The following HEMK1 variants were observed in gnomAD, a reference collection of about 807,000 sequenced individuals.
HEMK1 encodes the protein MTRF1L release factor glutamine methyltransferase.
In HEMK1, 36 loss-of-function variants were observed where a neutral mutation model predicts 47.9. The ratio of observed to expected loss-of-function variants is 0.75; its 90% CI spans 0.58 to 0.99. The LOEUF is 0.99. Ranked by LOEUF, HEMK1 falls within the 50% of genes least tolerant of loss-of-function variation. HEMK1 has a pLI of 0.00. For synonymous variants in HEMK1, 153 were observed against 165.4 expected, an observed-to-expected ratio of 0.93 and a Z score of 0.57; for missense variants, 383 against 434.5, an observed-to-expected ratio of 0.88 and a Z score of 1.05.
In HEMK1 at chr3:50,595,906, T is replaced by C. The variant is rs899279566; in HGVS notation, c.*15489T>C. 6.6e-6 allele frequency: 1 copy of C among 152,230 alleles called. No individual in the cohort carries two copies. The highest frequency in any genetic ancestry group is 1.5e-5 in the Non-Finnish European group (1 of 68,044). The allele number at this position is 152,230 out of a possible 1,614,324, so 9.4% of individuals were successfully genotyped here. ...AAGAGGTTTCCACACCTGGGATTGA[T>C]ACTGCTGGGACTCCAGGGCAGGTGC... On this transcript the variant is annotated 3_prime_UTR_variant, in exon 11 of 11. Coordinates refer to ENST00000232854, the MANE Select transcript of HEMK1 (RefSeq NM_016173.5).
Position 50,572,097 on chromosome 3 carries a change from C to T in HEMK1, c.321-18C>T. ...CCTAGCTCTGTCCCTGATGACCACC[C>T]AGCTGCCCCCTCTGCAGGATGCCGG... is the stretch of plus-strand genomic sequence containing the variant. On this transcript the variant is annotated intron_variant, in intron 3 of 10. Transcript: ENST00000232854. The T allele has an allele frequency of 6.2e-7, 1 of 1,611,344 alleles. No homozygotes were observed. The highest frequency in any genetic ancestry group is 8.5e-7 in the Non-Finnish European group (1 of 1,178,972).
intron 4 of HEMK1, 81 bp from the exon 5 acceptor site, chr3:50,576,971 G>C: frequency 1.3e-6 from 2 of 1,542,060 alleles, no homozygotes. Context: ...CGTTCACAAG[G>C]GTAACTGCTT....
chr3:50,570,325 T>C (rs1200547152), intron 1 of HEMK1: 1 of 152,246 alleles, frequency 6.6e-6, no homozygotes, highest in African/African-American at 2.4e-5. Flanking sequence ...TCTTTAAATA[T>C]ACAATTGTAA....
intron 8 of HEMK1, among the ~76,000 whole-genome samples, chr3:50,579,297 G>A (rs754468304): frequency 5.3e-5 from 8 of 152,156 alleles, no homozygotes; most frequent in Non-Finnish European, 4.4e-5. Flanking sequence ...GAATACTGAG[G>A]CCCAGAGAGG....
rs561773852 is a variant in HEMK1, at chr3:50,592,758, C to T, written c.*12341C>T. On this transcript the variant is annotated 3_prime_UTR_variant, in exon 11 of 11. Coordinates refer to ENST00000232854, the MANE Select transcript of HEMK1 (RefSeq NM_016173.5). The stretch of plus-strand genomic sequence containing the variant: ...GAGTCACCACCTGCCCCCAACCCTA[C>T]TTCTCCTCCGAAGGCCCAACAAGGT... 6.6e-6 allele frequency: 1 copy of T among 152,454 alleles called. No individual in the cohort carries two copies. Among genetic ancestry groups the T allele is most frequent in the South Asian group, 2.1e-4 (1 of 4,836 alleles). 9.4% of individuals were successfully genotyped at this position (152,454 alleles called of 1,614,324 possible).
In HEMK1 at chr3:50,571,698, C is replaced by T; in HGVS notation, c.229-12C>T. 2 of 1,613,722 alleles carry T rather than the reference C, an allele frequency of 1.2e-6. No homozygotes were observed. Among genetic ancestry groups the T allele is most frequent in the Non-Finnish European group, 1.7e-6 (2 of 1,179,580 alleles). On this transcript the variant is annotated splice_polypyrimidine_tract_variant and intron_variant, in intron 2 of 10. Coordinates refer to ENST00000232854, the MANE Select transcript of HEMK1 (RefSeq NM_016173.5). ...CCAGTGAGCCAGCCACTTATATTCT[C>T]TGTGGGGACAGTTTCAGAGCCTGAG...
chr3:50,571,452 G>C lies in HEMK1; in HGVS notation c.228+120G>C, dbSNP rs1479192241. On this transcript the variant is annotated intron_variant, in intron 2 of 10. Coordinates refer to ENST00000232854, the MANE Select transcript of HEMK1 (RefSeq NM_016173.5). ...TGAGACTGATGGGATTTTTCTGAAG[G>C]AACGTCTTAGCGCCTGGCACACACT... The C allele has an allele frequency of 4.0e-5, 30 of 759,196 alleles. No homozygotes were observed. In the South Asian group the frequency reaches 5.2e-4, roughly 13 times the overall value. The allele number at this position is 759,196 out of a possible 1,614,324, so 47.0% of individuals were successfully genotyped here.
chr3:50,581,390 C>T lies in HEMK1; in HGVS notation c.*973C>T, dbSNP rs1453441568. ...AGAAACATGGCAAACCAGGCTGTCTCATTCCACTAGACTGCCCCCTGCCAC... is the reference window on the plus strand; with the variant it reads ...AGAAACATGGCAAACCAGGCTGTCTTATTCCACTAGACTGCCCCCTGCCAC... On this transcript the variant is annotated 3_prime_UTR_variant, in exon 11 of 11. Coordinates refer to ENST00000232854, the MANE Select transcript of HEMK1 (RefSeq NM_016173.5). 6.6e-6 allele frequency: 1 copy of T among 151,792 alleles called. No individual in the cohort carries two copies. Among genetic ancestry groups the T allele is most frequent in the African/African-American group, 2.4e-5 (1 of 41,450 alleles). The allele number at this position is 151,792 out of a possible 1,614,324, so 9.4% of individuals were successfully genotyped here. A position where few individuals can be genotyped will look rare whatever the true frequency, so the allele number is the denominator to read the frequency against.
Position 50,577,880 on chromosome 3 carries a change from C to T in HEMK1, c.664+5C>T. On this transcript the variant is annotated splice_donor_5th_base_variant and intron_variant, in intron 7 of 10. Coordinates refer to ENST00000232854, the MANE Select transcript of HEMK1 (RefSeq NM_016173.5). ...TCCACCTCGACATGACCTCAGGTAC[C>T]CTCCCCTGCATGTTCCTTGAGAGAG... The T allele has an allele frequency of 6.2e-7, 1 of 1,613,792 alleles. No homozygotes were observed. Among genetic ancestry groups the T allele is most frequent in the Middle Eastern group, 1.7e-4 (1 of 6,060 alleles).
rs977980344 is a variant in HEMK1, at chr3:50,571,052, C to G, written c.-53C>G. 1.4e-6 allele frequency: 2 copies of G among 1,406,796 alleles called. No individual in the cohort carries two copies. The highest frequency in any genetic ancestry group is 2.9e-5 in the African/African-American group (2 of 69,596). The allele number at this position is 1,406,796 out of a possible 1,614,324, so 87.1% of individuals were successfully genotyped here. A position where few individuals can be genotyped will look rare whatever the true frequency, so the allele number is the denominator to read the frequency against. Reference sequence around the variant, plus strand: ...CAGCACTCACCTCAGCAGCTGACATCATAAAGCAGACTTGGGAACCTGGAA... The same window carrying G: ...CAGCACTCACCTCAGCAGCTGACATGATAAAGCAGACTTGGGAACCTGGAA... On this transcript the variant is annotated 5_prime_UTR_variant, in exon 2 of 11. It adds an upstream start codon to the 5' untranslated region. Transcript: ENST00000232854.
At chr3:50,569,988 G>C (rs1700741520) in intron 1 of HEMK1, 1 of 152,148 alleles carries the variant, frequency 6.6e-6, no homozygotes, top group Non-Finnish European at 1.5e-5. Context: ...CTACAGGTGC[G>C]CGTCAGTATG....
chr3:50,571,248 G>A lies in HEMK1; in HGVS notation c.144G>A (p.Trp48Ter), dbSNP rs553951388. 1.2e-6 allele frequency: 2 copies of A among 1,613,700 alleles called. No homozygotes were observed. Among genetic ancestry groups the A allele is most frequent in the African/African-American group, 1.3e-5 (1 of 75,046 alleles). ...GTGCCATAGAACTGGTCAGCCACTG[G>A]ACTGGGGTCTTTGAGAAGAGGGGTA... The part of the protein sequence containing the change: ...LSSAIELVSH[W>*]TGVFEKRGIP... The change falls in exon 2 of 11, where the codon TGG becomes TGA. Residue 48 changes from tryptophan to a stop codon, truncating the protein, a stop_gained. Coordinates refer to ENST00000232854, the MANE Select transcript of HEMK1 (RefSeq NM_016173.5). LOFTEE classifies it high-confidence loss of function.
chr3:50,589,805 G>A lies in HEMK1; in HGVS notation c.*9388G>A, dbSNP rs1349787876. The A allele has an allele frequency of 6.6e-6, 1 of 152,226 alleles. No homozygotes were observed. The highest frequency in any genetic ancestry group is 1.5e-5 in the Non-Finnish European group (1 of 68,068). The allele number at this position is 152,226 out of a possible 1,614,324, so 9.4% of individuals were successfully genotyped here. On this transcript the variant is annotated 3_prime_UTR_variant, in exon 11 of 11. Coordinates refer to ENST00000232854, the MANE Select transcript of HEMK1 (RefSeq NM_016173.5). ...CCAGCTACTTGAGAGGCTGAGGCAG[G>A]AGAATCGCTTGAAACCGAGAGGCAG...
At chr3:50,571,592 A>C (rs536606984) in intron 2 of HEMK1, 118 bp from the exon 3 acceptor site, 1 of 961,986 alleles carries the variant, frequency 1.0e-6, no homozygotes, top group Non-Finnish European at 1.7e-6. Flanking sequence ...CTCTGGGCCC[A>C]GATGATGAGA....
In HEMK1 at chr3:50,580,149, G is replaced by T. The variant is rs145272024; in HGVS notation, c.900G>T (p.Pro300=). The T allele has an allele frequency of 1.2e-6, 2 of 1,614,036 alleles. No homozygotes were observed. Among genetic ancestry groups the T allele is most frequent in the Non-Finnish European group, 1.7e-6 (2 of 1,180,022 alleles). Residue 300 remains proline (P), a synonymous_variant, in exon 10 of 11, where the codon CCG becomes CCT. Transcript: ENST00000232854. ...TCTTAGAAGTGGACCCAAGGCACCC[G>T]GAGCTTGTCAGCAGCTGGCTTCAGA... ...SIFLEVDPRH[P]ELVSSWLQSR...
At position 50,581,036 on chromosome 3, in the gene HEMK1, C is replaced by T. The variant is rs1001869281; in HGVS notation, c.*619C>T. On this transcript the variant is annotated 3_prime_UTR_variant, in exon 11 of 11. Coordinates refer to ENST00000232854, the MANE Select transcript of HEMK1 (RefSeq NM_016173.5). ...GGAGGGTCTGGAGGTCTTTGCTGCA[C>T]AGTTCCTGGGTCGCACATCCACGTT... is the stretch of plus-strand genomic sequence containing the variant. The T allele has an allele frequency of 2.0e-5, 3 of 153,380 alleles. No homozygotes were observed. Among genetic ancestry groups the T allele is most frequent in the Admixed American group, 6.5e-5 (1 of 15,434 alleles). The allele number at this position is 153,380 out of a possible 1,614,324, so 9.5% of individuals were successfully genotyped here.
intron 4 of HEMK1, 71 bp from the exon 5 acceptor site, chr3:50,576,981 T>C (rs1701658667): frequency 3.2e-6 from 5 of 1,579,778 alleles, no homozygotes; most frequent in Admixed American, 1.8e-5. Flanking sequence ...GGTAACTGCT[T>C]AGGCCTCTGT....
rs368089064 is a variant in HEMK1, at chr3:50,589,821, C to T, written c.*9404C>T. On this transcript the variant is annotated 3_prime_UTR_variant, in exon 11 of 11. Coordinates refer to ENST00000232854, the MANE Select transcript of HEMK1 (RefSeq NM_016173.5). Reference sequence around the variant, plus strand: ...CTGAGGCAGGAGAATCGCTTGAAACCGAGAGGCAGATGTTGCAGTGAGCCA... The same window carrying T: ...CTGAGGCAGGAGAATCGCTTGAAACTGAGAGGCAGATGTTGCAGTGAGCCA... 6 of 152,144 alleles carry T rather than the reference C, an allele frequency of 3.9e-5. No homozygotes were observed. The highest frequency in any genetic ancestry group is 1.4e-4 in the African/African-American group (6 of 41,482). 9.4% of individuals were successfully genotyped at this position (152,144 alleles called of 1,614,324 possible).
intron 8 of HEMK1, 85 bp from the exon 9 acceptor site, chr3:50,579,759 C>A: frequency 2.1e-6 from 2 of 961,352 alleles, no homozygotes; most frequent in Non-Finnish European, 3.2e-6. Flanking sequence ...CACAGGGCCC[C>A]ATTCATGGAG....
Sources: gnomAD v4.1 joint callset for allele counts (sites outside exome capture counted in the v4.1 genomes callset) on GRCh38, gnomAD v4.1.1 for gene constraint, MANE v1.5 for transcripts, NCBI Gene and HGNC (gene_info 2026-07-23, HGNC 2026-07-21) for gene names.